The following RAD51B variants were observed in gnomAD, a reference collection of about 807,000 sequenced individuals.
The protein encoded by RAD51B is DNA repair protein RAD51 homolog 2.
A neutral mutation model predicts 42.2 loss-of-function variants in RAD51B; 38 were observed. The ratio of observed to expected loss-of-function variants is 0.90; its 90% CI spans 0.70 to 1.18. RAD51B has a LOEUF of 1.18. RAD51B is among the 50% of genes most tolerant of loss of function. The pLI is 0.00. For missense variants in RAD51B, 373 were observed against 400.7 expected (o/e 0.93, Z 0.59); for synonymous variants, 154 against 145.2 (o/e 1.06, Z -0.43).
At chr14:68,009,084 G>C (rs1404579424) in intron 7 of RAD51B, among the ~76,000 whole-genome samples, 1 of 151,902 alleles carries the variant, frequency 6.6e-6, no homozygotes, top group African/African-American at 2.4e-5. Flanking sequence ...CATCTCCCTA[G>C]TTTCAGGATT....
At chr14:68,039,193 G>A (rs2076179343) in intron 7 of RAD51B, among the ~76,000 whole-genome samples, 1 of 152,082 alleles carries the variant, frequency 6.6e-6, no homozygotes, top group Non-Finnish European at 1.5e-5. Flanking sequence ...ACTTTGGGAG[G>A]CTGAGGCAGG....
At chr14:68,363,063 C>T (rs946237802) in intron 8 of RAD51B, among the ~76,000 whole-genome samples, 9 of 152,132 alleles carry the variant, frequency 5.9e-5, no homozygotes, top group Non-Finnish European at 1.2e-4. Flanking sequence ...GCACTGAACC[C>T]AGCTACTTTC....
intron 9 of RAD51B, among the ~76,000 whole-genome samples, chr14:68,412,847 T>C (rs2084455454): frequency 6.6e-6 from 1 of 152,234 alleles, no homozygotes; most frequent in Non-Finnish European, 1.5e-5. Context: ...TCATGTTAAA[T>C]AGCTGTGTTG....
At chr14:68,061,801 G>A (rs529336599) in intron 7 of RAD51B, among the ~76,000 whole-genome samples, 111 of 152,226 alleles carry the variant, frequency 7.3e-4, no homozygotes, top group African/African-American at 2.6e-3. Context: ...TTTTGATGGA[G>A]TATTTAGGTT....
intron 7 of RAD51B, among the ~76,000 whole-genome samples, chr14:68,022,687 G>A (rs1313709856): frequency 6.6e-6 from 1 of 151,504 alleles, no homozygotes; most frequent in Non-Finnish European, 1.5e-5. Context: ...AGGGGTACAT[G>A]TGCACGTTCA....
At chr14:68,146,679 C>A (rs1175837972) in intron 7 of RAD51B, among the ~76,000 whole-genome samples, 1 of 152,146 alleles carries the variant, frequency 6.6e-6, no homozygotes, top group African/African-American at 2.4e-5. Context: ...CGTAGTGGAT[C>A]CTTCATATGA....
In RAD51B at chr14:68,565,372, C is replaced by T. The variant is rs550614760; in HGVS notation, c.1037-29113C>T. 1.3e-5 allele frequency among the ~76,000 whole-genome samples: 2 copies of T among 152,142 alleles called. No individual in the cohort carries two copies. Among genetic ancestry groups the T allele is most frequent in the Admixed American group, 6.5e-5 (1 of 15,278 alleles). ...ACTTAGAGGTGTTTGTTCAATAATG[C>T]GAGGAGACTCATTACAACCCTGGGG... On this transcript the variant is annotated intron_variant, in intron 10 of 10. Coordinates refer to the RAD51B transcript ENST00000487270. The surrounding 1 kb of genome is among the most constrained non-coding windows in gnomAD (Gnocchi z 4.1).
At chr14:68,097,407 CTGTCT>C (rs1405860634) in intron 7 of RAD51B, among the ~76,000 whole-genome samples, 1 of 152,018 alleles carries the variant, frequency 6.6e-6, no homozygotes, top group African/African-American at 2.4e-5. Flanking sequence ...GCTTGTTCTT[CTGTCT>C]GTTGCCTAGT....
intron 9 of RAD51B, among the ~76,000 whole-genome samples, chr14:68,465,950 A>AAAAAAAT (rs1439654535): frequency 1.5e-4 from 12 of 81,314 alleles, no homozygotes; most frequent in African/African-American, 4.6e-4. Context: ...CAAAAAAAAA[A>AAAAAAAT]AAAATAAATA....
At chr14:68,339,170 CT>C in intron 8 of RAD51B, 1 of 810,228 alleles carries the variant, frequency 1.2e-6, no homozygotes, top group South Asian at 1.4e-5. Flanking sequence ...TGGTAGCTTT[CT>C]TCTTGGCCTG....
chr14:67,827,837 G>A (rs1213949734), intron 3 of RAD51B, among the ~76,000 whole-genome samples: 1 of 152,130 alleles, frequency 6.6e-6, no homozygotes, highest in African/African-American at 2.4e-5. Flanking sequence ...TTTTATGGCT[G>A]CACAGTATTC....
At chr14:67,876,520 A>T (rs562421445) in intron 5 of RAD51B, among the ~76,000 whole-genome samples, 329 of 152,304 alleles carry the variant, frequency 2.2e-3, no homozygotes, top group Non-Finnish European at 3.4e-3. Flanking sequence ...CAGAATTGGA[A>T]TCTTTAAAGT....
chr14:67,957,900 G>A (rs1461886241), intron 7 of RAD51B, among the ~76,000 whole-genome samples: 2 of 152,070 alleles, frequency 1.3e-5, no homozygotes, highest in Non-Finnish European at 2.9e-5. Context: ...GTCACAGTCA[G>A]GTTAAAACTT....
chr14:68,651,699 T>C (rs1474928095), intron 11 of RAD51B, among the ~76,000 whole-genome samples: 2 of 152,072 alleles, frequency 1.3e-5, no homozygotes, highest in African/African-American at 4.8e-5. Flanking sequence ...TATTTGGTTG[T>C]AGGCTTCGCT....
chr14:68,547,310 T>G (rs1197401624), intron 10 of RAD51B, among the ~76,000 whole-genome samples: 2 of 152,250 alleles, frequency 1.3e-5, no homozygotes, highest in Non-Finnish European at 2.9e-5. Context: ...ACATTCCATC[T>G]GTTTCTAAAG....
At chr14:68,418,019 T>G (rs751252769) in intron 9 of RAD51B, among the ~76,000 whole-genome samples, 4 of 152,124 alleles carry the variant, frequency 2.6e-5, no homozygotes, top group Non-Finnish European at 4.4e-5. Context: ...CTAGGAGATT[T>G]TGAGCCAAAT....
intron 7 of RAD51B, among the ~76,000 whole-genome samples, chr14:68,263,177 G>A (rs1328976013): frequency 6.6e-6 from 1 of 152,184 alleles, no homozygotes; most frequent in Admixed American, 6.5e-5. Context: ...ATACCTGCAA[G>A]CATTTTCCCA....
At chr14:68,656,033 C>T (rs1013303354) in intron 11 of RAD51B, among the ~76,000 whole-genome samples, 1 of 152,198 alleles carries the variant, frequency 6.6e-6, no homozygotes, top group African/African-American at 2.4e-5. Context: ...TTCTAAGAGC[C>T]AGGCATGGTC....
At chr14:67,967,260 T>G (rs2074799035) in intron 7 of RAD51B, among the ~76,000 whole-genome samples, 1 of 152,136 alleles carries the variant, frequency 6.6e-6, no homozygotes, top group South Asian at 2.1e-4. Context: ...GGGAGTACAG[T>G]TCAAGATGAG....
Sources: gnomAD v4.1 joint callset for allele counts (sites outside exome capture counted in the v4.1 genomes callset) on GRCh38, gnomAD v4.1.1 for gene constraint, Gnocchi (gnomAD v3.1) non-coding constraint, MANE v1.5 for transcripts, NCBI Gene and HGNC (gene_info 2026-07-23, HGNC 2026-07-21) for gene names.